Variants in GPM6A observed in about 807,000 individuals in gnomAD.
GPM6A encodes the protein glycoprotein M6A.
In GPM6A, 7 loss-of-function variants were observed where a neutral mutation model predicts 32.1. The observed-to-expected ratio is 0.22, with a 90% CI of 0.12 to 0.41. GPM6A has a LOEUF of 0.41. Ranked by LOEUF, GPM6A falls within the 10% of genes least tolerant of loss-of-function variation. The pLI is 1.00. For missense variants in GPM6A, 235 were observed against 347.2 expected, an observed-to-expected ratio of 0.68 and a Z score of 2.57; for synonymous variants, 130 against 123.4, an observed-to-expected ratio of 1.05 and a Z score of -0.35.
intron 1 of GPM6A, among the ~76,000 whole-genome samples, chr4:175,958,978 T>A (rs1203593450): frequency 6.6e-6 from 1 of 152,102 alleles, no homozygotes; most frequent in Non-Finnish European, 1.5e-5. Flanking sequence ...GAATATACAA[T>A]AAAATTGCCT....
intron 1 of GPM6A, among the ~76,000 whole-genome samples, chr4:175,757,203 T>C (rs964886823): frequency 2.0e-5 from 3 of 151,842 alleles, no homozygotes; most frequent in African/African-American, 4.8e-5. Context: ...AGAGCGAAGC[T>C]ATGAGGAGGC....
At chr4:175,743,402 T>A (rs1731969554) in intron 1 of GPM6A, among the ~76,000 whole-genome samples, 1 of 151,756 alleles carries the variant, frequency 6.6e-6, no homozygotes, top group African/African-American at 2.4e-5. Flanking sequence ...TATAAAGGAA[T>A]TAATACTAAC....
intron 1 of GPM6A, among the ~76,000 whole-genome samples, chr4:175,718,989 A>G (rs1244990687): frequency 6.6e-6 from 1 of 152,230 alleles, no homozygotes; most frequent in African/African-American, 2.4e-5. Flanking sequence ...AATTACTTAT[A>G]GACAGTTTCT....
intron 1 of GPM6A, among the ~76,000 whole-genome samples, chr4:175,718,778 G>A (rs1745971616): frequency 6.6e-6 from 1 of 152,036 alleles, no homozygotes; most frequent in African/African-American, 2.4e-5. Flanking sequence ...TCCACTACAC[G>A]ATTAAATACA....
At chr4:175,864,972 G>T (rs1019054972) in intron 1 of GPM6A, among the ~76,000 whole-genome samples, 2 of 151,734 alleles carry the variant, frequency 1.3e-5, no homozygotes, top group Middle Eastern at 3.2e-3. Context: ...ACTACCACCG[G>T]GCTAATTTTT....
In GPM6A at chr4:175,999,768, A is replaced by C. The variant is rs192334920; in HGVS notation, c.-23+2541T>G. 1.1e-3 allele frequency among the ~76,000 whole-genome samples: 173 copies of C among 152,256 alleles called. 2 individuals carry two copies. The highest frequency in any genetic ancestry group is 3.9e-3 in the African/African-American group (161 of 41,544). On this transcript the variant is annotated intron_variant, in intron 1 of 7. Transcript: ENST00000280187. The stretch of plus-strand genomic sequence containing the variant: ...AAACAAAAACAAAACAAAACAAAAA[A>C]ACTGGATTCCATTTGTTGGCGCAAT...
intron 1 of GPM6A, among the ~76,000 whole-genome samples, chr4:175,993,243 C>A (rs147237747): frequency 1.3e-5 from 2 of 151,226 alleles, no homozygotes; most frequent in East Asian, 3.9e-4. Flanking sequence ...TGTATCTTCA[C>A]TCCTTTATTA....
intron 1 of GPM6A, among the ~76,000 whole-genome samples, chr4:175,803,876 C>T (rs1464267378): frequency 2.0e-5 from 3 of 152,246 alleles, no homozygotes; most frequent in Non-Finnish European, 2.9e-5. Flanking sequence ...TCAATTACAA[C>T]TTTCTACTGT....
At chr4:175,686,945 A>T (rs943860436) in intron 2 of GPM6A, among the ~76,000 whole-genome samples, 1 of 152,232 alleles carries the variant, frequency 6.6e-6, no homozygotes, top group Non-Finnish European at 1.5e-5. Context: ...AATTTTAAAA[A>T]GTAAGAAATG....
intron 1 of GPM6A, among the ~76,000 whole-genome samples, chr4:175,856,185 A>T (rs1398535088): frequency 6.6e-6 from 1 of 152,254 alleles, no homozygotes; most frequent in African/African-American, 2.4e-5. Context: ...TGGGTAAAAA[A>T]CTAAGACAGT....
At chr4:175,769,773 T>C (rs1733114443) in intron 1 of GPM6A, among the ~76,000 whole-genome samples, 1 of 152,212 alleles carries the variant, frequency 6.6e-6, no homozygotes, top group Non-Finnish European at 1.5e-5. Context: ...TTTCATTCCA[T>C]TATATATTTC....
At chr4:175,636,293 T>TATATATATATAC (rs1740603461) in intron 6 of GPM6A, among the ~76,000 whole-genome samples, 3 of 130,892 alleles carry the variant, frequency 2.3e-5, no homozygotes, top group South Asian at 2.3e-4. Flanking sequence ...TATATATATA[T>TATATATATATAC]ATATACATAT....
intron 2 of GPM6A, among the ~76,000 whole-genome samples, chr4:175,674,838 T>A (rs939629994): frequency 6.6e-6 from 1 of 152,082 alleles, no homozygotes; most frequent in African/African-American, 2.4e-5. Flanking sequence ...TATGGCATAC[T>A]TTTATAGTGG....
chr4:175,949,375 T>G (rs1739726799), intron 1 of GPM6A, among the ~76,000 whole-genome samples: 1 of 152,064 alleles, frequency 6.6e-6, no homozygotes, highest in East Asian at 1.9e-4. Context: ...AGTCTTGAAC[T>G]CCTGGCTTTG....
chr4:175,637,289 AATATATAT>A (rs1211851797), intron 6 of GPM6A, among the ~76,000 whole-genome samples: 15 of 28,908 alleles, frequency 5.2e-4, no homozygotes, highest in Non-Finnish European at 7.2e-4. Flanking sequence ...TATTATATAA[AATATATAT>A]TATATATTAT....
chr4:175,941,679 G>T (rs1739416705), intron 1 of GPM6A, among the ~76,000 whole-genome samples: 1 of 152,060 alleles, frequency 6.6e-6, no homozygotes, highest in Non-Finnish European at 1.5e-5. Flanking sequence ...TGCTGAGAAT[G>T]ATGGTTTCAT....
chr4:175,878,001 A>G (rs144211832), intron 1 of GPM6A, among the ~76,000 whole-genome samples: 1,553 of 152,344 alleles, frequency 0.01, 13 homozygotes, highest in Non-Finnish European at 0.015. Flanking sequence ...TACAGGCCCC[A>G]GCAAGTCCAA....
chr4:175,734,067 C>A (rs1017384019), intron 1 of GPM6A, among the ~76,000 whole-genome samples: 2 of 151,480 alleles, frequency 1.3e-5, no homozygotes, highest in African/African-American at 2.4e-5. Flanking sequence ...AATAAAAGTG[C>A]ATTTTAATTA....
At chr4:175,928,307 TAC>T (rs1738914333) in intron 1 of GPM6A, among the ~76,000 whole-genome samples, 1 of 152,164 alleles carries the variant, frequency 6.6e-6, no homozygotes, top group Admixed American at 6.5e-5. Flanking sequence ...AATGAAATAT[TAC>T]AGTTTTAAAG....
Sources: gnomAD v4.1 joint callset for allele counts (sites outside exome capture counted in the v4.1 genomes callset) on GRCh38, gnomAD v4.1.1 for gene constraint, MANE v1.5 for transcripts, NCBI Gene and HGNC (gene_info 2026-07-23, HGNC 2026-07-21) for gene names.